Variants in EPHA7 observed in about 807,000 individuals in gnomAD.
EPHA7 encodes the protein ephrin type-A receptor 7.
EPHA7 carries 25 observed loss-of-function variants against 112.6 expected under a neutral mutation model. The ratio of observed to expected loss-of-function variants is 0.22; its 90% CI spans 0.16 to 0.31. The LOEUF is 0.31. EPHA7 is among the 10% of genes least tolerant of loss of function. The probability of loss-of-function intolerance (pLI) is 1.00; values close to 1 mark genes in which losing one functional copy is unlikely to be tolerated. For synonymous variants in EPHA7, 437 were observed against 406.5 expected (o/e 1.07, Z -0.90); for missense variants, 962 against 1,212.6 (o/e 0.79, Z 3.07).
At chr6:93,303,215 A>T (rs1385451614) in intron 5 of EPHA7, among the ~76,000 whole-genome samples, 4 of 152,134 alleles carry the variant, frequency 2.6e-5, no homozygotes, top group African/African-American at 9.7e-5. Context: ...GTTATACTGA[A>T]CACTCCTCTG....
intron 3 of EPHA7, among the ~76,000 whole-genome samples, chr6:93,372,410 G>A (rs913395519): frequency 1.3e-5 from 2 of 152,166 alleles, no homozygotes; most frequent in African/African-American, 4.8e-5. Context: ...TGCAGTTTAA[G>A]TTAGCAGCTG....
In EPHA7 at chr6:93,333,285, C is replaced by T. The variant is rs184294397; in HGVS notation, c.1324+23432G>A. 1.5e-4 allele frequency among the ~76,000 whole-genome samples: 23 copies of T among 151,922 alleles called. No homozygotes were observed. The East Asian group carries it at 3.9e-3, about 26-fold the overall frequency. ...CACATTTTCTCCATGCAGTCTCTAA[C>T]ACTGATAGTCATTTAGGTTGATTCC... On this transcript the variant is annotated intron_variant, in intron 5 of 16. Coordinates refer to ENST00000369303, the MANE Select transcript of EPHA7 (RefSeq NM_004440.4).
At chr6:93,294,652 TC>T (rs1772560345) in intron 5 of EPHA7, among the ~76,000 whole-genome samples, 1 of 152,104 alleles carries the variant, frequency 6.6e-6, no homozygotes, top group Non-Finnish European at 1.5e-5. Context: ...ACATGTATAA[TC>T]ATATAAAGCT....
intron 3 of EPHA7, among the ~76,000 whole-genome samples, chr6:93,389,043 G>A (rs1777772470): frequency 6.6e-6 from 1 of 151,994 alleles, no homozygotes; most frequent in South Asian, 2.1e-4. Context: ...AACCAAAATA[G>A]TGCAGTAGGA....
At chr6:93,394,192 G>A (rs368236835) in intron 3 of EPHA7, among the ~76,000 whole-genome samples, 43 of 151,736 alleles carry the variant, frequency 2.8e-4, no homozygotes, top group East Asian at 1.9e-3. Context: ...CTTTGTTATC[G>A]TACTACTTCA....
intron 5 of EPHA7, among the ~76,000 whole-genome samples, chr6:93,332,398 C>A (rs1232755400): frequency 6.6e-6 from 1 of 151,634 alleles, no homozygotes; most frequent in East Asian, 1.9e-4. Context: ...AAATAATGAA[C>A]AGTTATCTAC....
chr6:93,310,376 C>G (rs531982732), intron 5 of EPHA7, among the ~76,000 whole-genome samples: 37 of 152,062 alleles, frequency 2.4e-4, no homozygotes, highest in Non-Finnish European at 4.0e-4. Context: ...ACTTAAAAAA[C>G]AAAACAAAGG....
chr6:93,388,576 T>C (rs1458699327), intron 3 of EPHA7, among the ~76,000 whole-genome samples: 23 of 152,102 alleles, frequency 1.5e-4, no homozygotes, highest in Non-Finnish European at 2.9e-5. Flanking sequence ...TATAATCTAA[T>C]GGGGCACATT....
chr6:93,277,431 G>A (rs1771522275), intron 5 of EPHA7, among the ~76,000 whole-genome samples: 2 of 151,770 alleles, frequency 1.3e-5, no homozygotes, highest in South Asian at 4.1e-4. Flanking sequence ...TCAATTTCTT[G>A]GCTTTGGAAA....
At position 93,358,282 on chromosome 6, in the gene EPHA7, G is replaced by C; in HGVS notation, c.962C>G (p.Ser321Cys). Reference sequence around the variant, plus strand: ...TGTGCACGCAACGTATGGTGGGTCAGATGGAGCCCTGTAATACCCATCTTC... The same window carrying C: ...TGTGCACGCAACGTATGGTGGGTCACATGGAGCCCTGTAATACCCATCTTC... ...ECEDGYYRAP[S>C]DPPYVACTRP... is the part of the protein sequence containing the mutation. Residue 321 changes from serine to cysteine, a missense_variant, in exon 4 of 17, where the codon TCT becomes TGT. Ser to Cys is a moderately radical substitution (Grantham distance 112, BLOSUM62 -1). Around this residue, in one of 3 missense-constraint regions of EPHA7, gnomAD observed 746 missense variants for 889.2 expected, o/e 0.84. Coordinates refer to ENST00000369303, the MANE Select transcript of EPHA7 (RefSeq NM_004440.4). 6.2e-7 allele frequency: 1 copy of C among 1,612,530 alleles called. No individual in the cohort carries two copies. Among genetic ancestry groups the C allele is most frequent in the African/African-American group, 1.3e-5 (1 of 74,950 alleles).
In EPHA7 at chr6:93,255,841, A is replaced by G; in HGVS notation, c.2369T>C (p.Val790Ala). 2 of 1,613,980 alleles carry G rather than the reference A, an allele frequency of 1.2e-6. No homozygotes were observed. The highest frequency in any genetic ancestry group is 4.5e-5 in the East Asian group (2 of 44,856). Residue 790 changes from valine to alanine, a missense_variant, in exon 13 of 17, where the codon GTC becomes GCC. Physicochemically the swap from Val to Ala is moderately conservative, Grantham distance 64 (BLOSUM62 0). Coordinates refer to ENST00000369303, the MANE Select transcript of EPHA7 (RefSeq NM_004440.4). ...SRVIEDDPEA[V>A]YTTTGGKIPV... ...ACTTTTTCTTACAGTAGTTGTATAG[A>G]CAGCTTCTGGATCATCCTCTATAAC... is the stretch of plus-strand genomic sequence containing the variant.
intron 3 of EPHA7, among the ~76,000 whole-genome samples, chr6:93,404,616 T>C (rs532780311): frequency 6.1e-5 from 9 of 146,768 alleles, no homozygotes; most frequent in African/African-American, 2.1e-4. Context: ...TGTATACATA[T>C]AATCATATAT....
intron 5 of EPHA7, among the ~76,000 whole-genome samples, chr6:93,335,565 A>G (rs1220910287): frequency 6.6e-6 from 1 of 152,132 alleles, no homozygotes; most frequent in African/African-American, 2.4e-5. Flanking sequence ...CCACCAGCAA[A>G]GATGTAGAAT....
At chr6:93,396,880 C>A (rs1778198867) in intron 3 of EPHA7, among the ~76,000 whole-genome samples, 1 of 151,644 alleles carries the variant, frequency 6.6e-6, no homozygotes, top group African/African-American at 2.4e-5. Context: ...CTAATTCTAA[C>A]CATGTTAACC....
chr6:93,414,587 G>A (rs1779132998), intron 2 of EPHA7, 116 bp downstream of exon 2: 2 of 767,880 alleles, frequency 2.6e-6, no homozygotes, highest in Non-Finnish European at 4.4e-6. Flanking sequence ...TATTGGACAA[G>A]ATATTTGGAA....
At chr6:93,290,258 A>T (rs1772292294) in intron 5 of EPHA7, among the ~76,000 whole-genome samples, 1 of 152,094 alleles carries the variant, frequency 6.6e-6, no homozygotes, top group Non-Finnish European at 1.5e-5. Context: ...TAATTCTCTG[A>T]CTAGTGAATT....
intron 5 of EPHA7, among the ~76,000 whole-genome samples, chr6:93,350,871 G>A (rs1456975261): frequency 1.3e-5 from 2 of 151,910 alleles, no homozygotes; most frequent in Non-Finnish European, 2.9e-5. Flanking sequence ...TTTCCCCGCT[G>A]TCTATCAGAA....
At chr6:93,356,167 A>G (rs924202204) in intron 5 of EPHA7, among the ~76,000 whole-genome samples, 34 of 151,360 alleles carry the variant, frequency 2.2e-4, no homozygotes, top group African/African-American at 8.0e-4. Flanking sequence ...CAGTGGAGTT[A>G]TTTGTTTTAT....
chr6:93,271,326 C>T (rs1045111218), intron 6 of EPHA7, among the ~76,000 whole-genome samples: 3 of 151,778 alleles, frequency 2.0e-5, no homozygotes, highest in Non-Finnish European at 4.4e-5. Context: ...ATATACATTT[C>T]AATTTATTTA....
Sources: gnomAD v4.1 joint callset for allele counts (sites outside exome capture counted in the v4.1 genomes callset) on GRCh38, gnomAD v4.1.1 for gene constraint, gnomAD v4.1.1 regional missense constraint, MANE v1.5 for transcripts, NCBI Gene and HGNC (gene_info 2026-07-23, HGNC 2026-07-21) for gene names.